The following PCDHA2 variants were observed in gnomAD, a reference collection of about 807,000 sequenced individuals.
PCDHA2 encodes the protein protocadherin alpha 2.
A neutral mutation model predicts 66.0 loss-of-function variants in PCDHA2; 58 were observed. The observed-to-expected ratio is 0.88, with a 90% CI of 0.71 to 1.09. PCDHA2 has a LOEUF of 1.09. Ranked by LOEUF, PCDHA2 falls within the 50% of genes least tolerant of loss-of-function variation. PCDHA2 has a pLI of 0.00. For missense variants in PCDHA2, 1,267 were observed against 1,242.3 expected (o/e 1.02, Z -0.30); for synonymous variants, 634 against 554.0 (o/e 1.14, Z -2.03).
intron 1 of PCDHA2, among the ~76,000 whole-genome samples, chr5:140,905,904 C>T (rs2072197856): frequency 6.6e-6 from 1 of 152,160 alleles, no homozygotes; most frequent in African/African-American, 2.4e-5. Context: ...AGCTGAGGAG[C>T]AAGGAATCCA....
intron 1 of PCDHA2, chr5:140,966,785 A>G: frequency 6.6e-7 from 1 of 1,522,872 alleles, no homozygotes. Flanking sequence ...GGCGGGCACC[A>G]GACCTGCGGC....
intron 1 of PCDHA2, among the ~76,000 whole-genome samples, chr5:140,960,274 C>A (rs1291069063): frequency 6.6e-6 from 1 of 152,130 alleles, no homozygotes. Context: ...ATTCCGTCAC[C>A]TTTTTGGGAC....
chr5:140,871,527 G>A (rs537927360), intron 1 of PCDHA2: 3 of 1,531,844 alleles, frequency 2.0e-6, no homozygotes, highest in African/African-American at 2.8e-5. Context: ...CTATCAGGAA[G>A]TGTATGTGAA....
intron 1 of PCDHA2, among the ~76,000 whole-genome samples, chr5:140,819,907 C>T (rs1766650524): frequency 6.6e-6 from 1 of 151,892 alleles, no homozygotes; most frequent in African/African-American, 2.4e-5. Flanking sequence ...TTACAATGTA[C>T]ACATTGTTAA....
At chr5:140,919,406 T>C (rs1325443914) in intron 1 of PCDHA2, among the ~76,000 whole-genome samples, 1 of 152,254 alleles carries the variant, frequency 6.6e-6, no homozygotes, top group East Asian at 1.9e-4. Flanking sequence ...CTAAAAACTC[T>C]AGACTGACAA....
At chr5:140,797,948 G>C (rs933201790) in intron 1 of PCDHA2, among the ~76,000 whole-genome samples, 18 of 152,160 alleles carry the variant, frequency 1.2e-4, no homozygotes, top group African/African-American at 4.1e-4. Flanking sequence ...TGCCACCCGG[G>C]TTCAAGTGAT....
intron 1 of PCDHA2, chr5:140,859,513 T>C: frequency 5.1e-6 from 1 of 196,260 alleles, no homozygotes; most frequent in Non-Finnish European, 1.0e-5. Context: ...ACCCATGATT[T>C]CATTTTTAAA....
Position 140,946,611 on chromosome 5 carries a change from AAT to A in PCDHA2, c.2389-32318_2389-32317del, listed in dbSNP as rs1554217734. On this transcript the variant is annotated intron_variant, in intron 1 of 3. Coordinates refer to ENST00000526136, the MANE Select transcript of PCDHA2 (RefSeq NM_018905.3). ...GGATGAATAGATAAAGAAAATGTGA[AAT>A]ATATATATATATATATATACAATGG... is the stretch of plus-strand genomic sequence containing the variant. 5.8e-3 allele frequency among the ~76,000 whole-genome samples: 503 copies of A among 86,618 alleles called. 18 individuals are homozygous for A. The highest frequency in any genetic ancestry group is 0.022 in the Middle Eastern group (4 of 186). The allele number at this position is 86,618 out of a possible 152,430, so 56.8% of individuals were successfully genotyped here. A position where few individuals can be genotyped will look rare whatever the true frequency, so the allele number is the denominator to read the frequency against.
chr5:141,002,941 C>G (rs964416301), intron 3 of PCDHA2, among the ~76,000 whole-genome samples: 18 of 152,216 alleles, frequency 1.2e-4, no homozygotes, highest in African/African-American at 4.1e-4. Flanking sequence ...CACCCTCCAG[C>G]ACATGCCCCT....
chr5:140,824,013 C>G (rs1347563887), intron 1 of PCDHA2: 3 of 1,614,156 alleles, frequency 1.9e-6, no homozygotes, highest in Non-Finnish European at 2.5e-6. Flanking sequence ...CGGTGGGGAG[C>G]TGGTCGTACT....
rs2150160526 is a variant in PCDHA2 at position 140,828,906 on chromosome 5, G to C, written c.2388+31554G>C. The C allele has an allele frequency of 2.8e-5, 45 of 1,614,124 alleles. No homozygotes were observed. The highest frequency in any genetic ancestry group is 3.6e-5 in the Non-Finnish European group (42 of 1,180,056). The stretch of plus-strand genomic sequence containing the variant: ...CTGAATGCTTCTGATCGGGATGAAG[G>C]AGCGAATGGGGCAATTTCATATTCT... On this transcript the variant is annotated intron_variant, in intron 1 of 3. Coordinates refer to ENST00000526136, the MANE Select transcript of PCDHA2 (RefSeq NM_018905.3).
intron 1 of PCDHA2, chr5:140,927,951 T>G: frequency 6.2e-7 from 1 of 1,614,198 alleles, no homozygotes; most frequent in Non-Finnish European, 8.5e-7. Context: ...CTGAGGACGC[T>G]GCCCCTGGCA....
chr5:140,979,102 C>T (rs1263848262), intron 2 of PCDHA2, 95 bp downstream of exon 2: 1 of 1,541,684 alleles, frequency 6.5e-7, no homozygotes, highest in Non-Finnish European at 8.7e-7. Flanking sequence ...GCTGTCAAAA[C>T]TAAAAAGCTT....
At chr5:140,877,193 G>A (rs1554169443) in intron 1 of PCDHA2, 1 of 1,613,832 alleles carries the variant, frequency 6.2e-7, no homozygotes, top group Non-Finnish European at 8.5e-7. Context: ...GGCAGCGCAG[G>A]AGGCGCAGTT....
intron 1 of PCDHA2, among the ~76,000 whole-genome samples, chr5:140,879,490 C>T (rs2058010245): frequency 2.0e-5 from 3 of 152,090 alleles, no homozygotes; most frequent in Admixed American, 2.0e-4. Flanking sequence ...AAATATGGGT[C>T]TGGATCTCAG....
chr5:140,978,406 T>C (rs1268497033), intron 1 of PCDHA2, among the ~76,000 whole-genome samples: 1 of 152,206 alleles, frequency 6.6e-6, no homozygotes, highest in African/African-American at 2.4e-5. Context: ...CCCTCTTCAA[T>C]CAGAAAAGAG....
chr5:140,981,350 G>T (rs2096928266), intron 2 of PCDHA2, among the ~76,000 whole-genome samples: 1 of 152,168 alleles, frequency 6.6e-6, no homozygotes. Flanking sequence ...GAGGCAGGTG[G>T]ATCACTTGAG....
rs2150362585 is a variant in PCDHA2 at position 140,843,552 on chromosome 5, C to T, written c.2388+46200C>T. On this transcript the variant is annotated intron_variant, in intron 1 of 3. Transcript: ENST00000526136. ...AAGCCCACTCTGGTGTGCTCCAGTG[C>T]GGTGGGGAGCTGGTCATACTCGCAA... 5.0e-6 allele frequency: 8 copies of T among 1,595,800 alleles called. 2 individuals carry two copies. The highest frequency in any genetic ancestry group is 1.1e-5 in the South Asian group (1 of 90,490).
At chr5:140,862,493 C>T (rs1554156460) in intron 1 of PCDHA2, 4 of 388,658 alleles carry the variant, frequency 1.0e-5, no homozygotes, top group Admixed American at 3.4e-5. Context: ...GGTAATCGCT[C>T]GGAATGGGGA....
Sources: allele counts gnomAD v4.1 joint callset (sites outside exome capture counted in the v4.1 genomes callset), GRCh38; gene constraint gnomAD v4.1.1; transcripts MANE v1.5; gene names NCBI Gene and HGNC (gene_info 2026-07-23, HGNC 2026-07-21).